The following PLA2G7 variants were observed in gnomAD, a reference collection of about 807,000 sequenced individuals.
The protein encoded by PLA2G7 is platelet-activating factor acetylhydrolase.
Under a neutral mutation model 49.6 loss-of-function variants are expected in PLA2G7, and 63 were observed. The ratio of observed to expected loss-of-function variants is 1.27; its 90% CI spans 1.04 to 1.57. The LOEUF (loss-of-function observed/expected upper bound fraction) is 1.57, where lower values mean the gene tolerates loss of function less well. Ranked by LOEUF, PLA2G7 falls within the 40% of genes most tolerant of loss-of-function variation. PLA2G7 has a pLI of 0.00. For missense variants in PLA2G7, 596 were observed against 521.2 expected, an observed-to-expected ratio of 1.14 and a Z score of -1.40; for synonymous variants, 193 against 169.9, an observed-to-expected ratio of 1.14 and a Z score of -1.06.
chr6:46,712,874 A>T (rs1037316728), intron 5 of PLA2G7, among the ~76,000 whole-genome samples: 1 of 152,230 alleles, frequency 6.6e-6, no homozygotes, highest in Non-Finnish European at 1.5e-5. Context: ...ACAGTATTGT[A>T]GTTACAAGAA....
chr6:46,712,244 A>G, intron 6 of PLA2G7, 25 bp downstream of exon 6: 1 of 1,510,222 alleles, frequency 6.6e-7, no homozygotes, highest in South Asian at 1.1e-5. Context: ...TTGGCCAAAG[A>G]GCCCAATTAT....
chr6:46,722,649 C>T, intron 2 of PLA2G7, 134 bp downstream of exon 2: 1 of 687,454 alleles, frequency 1.5e-6, no homozygotes, highest in Non-Finnish European at 2.7e-6. Context: ...CTCCCCTACT[C>T]CAGGAGAATA....
chr6:46,704,748 C>T, intron 11 of PLA2G7, 52 bp from the exon 12 acceptor site: 1 of 1,130,558 alleles, frequency 8.8e-7, no homozygotes, highest in Non-Finnish European at 1.3e-6. Flanking sequence ...GAGCATTAAA[C>T]AGTTTGGTGC....
intron 3 of PLA2G7, 68 bp from the exon 4 acceptor site, chr6:46,716,596 G>C: frequency 6.5e-7 from 1 of 1,540,150 alleles, no homozygotes; most frequent in South Asian, 1.1e-5. Context: ...CAGCTATTTT[G>C]CATATTTAAT....
At chr6:46,718,652 T>A (rs1454763910) in intron 2 of PLA2G7, among the ~76,000 whole-genome samples, 1 of 152,238 alleles carries the variant, frequency 6.6e-6, no homozygotes, top group East Asian at 1.9e-4. Context: ...CACACTTTAA[T>A]ACCTTGGTCA....
rs142301461 is a variant in PLA2G7 at position 46,705,226 on chromosome 6, C to T, written c.1116G>A (p.Lys372=). The T allele has an allele frequency of 5.6e-6, 9 of 1,608,970 alleles. No individual in the cohort carries two copies. The highest frequency in any genetic ancestry group is 1.1e-5 in the South Asian group (1 of 90,980). Residue 372 remains lysine (K), a synonymous_variant, in exon 11 of 12, where the codon AAG becomes AAA. Coordinates refer to ENST00000274793, the MANE Select transcript of PLA2G7 (RefSeq NM_005084.4). ...GKIIGHMLKL[K]GDIDSNVAID... The stretch of plus-strand genomic sequence containing the variant: ...TAGCTACATTTGAATCTATGTCTCC[C>T]TTTAATTTGAGCATGTGTCCAATTA...
chr6:46,714,745 T>C (rs1171945721), intron 4 of PLA2G7, among the ~76,000 whole-genome samples, 192 bp from the exon 5 acceptor site: 1 of 147,916 alleles, frequency 6.8e-6, no homozygotes, highest in Non-Finnish European at 1.5e-5. Flanking sequence ...AGTTTTTTTT[T>C]TTTTTTTGAG....
At chr6:46,713,689 G>T (rs1765106530) in intron 5 of PLA2G7, among the ~76,000 whole-genome samples, 1 of 152,202 alleles carries the variant, frequency 6.6e-6, no homozygotes, top group African/African-American at 2.4e-5. Flanking sequence ...TGACAGGTGA[G>T]AAAGTGGTGG....
Position 46,710,661 on chromosome 6 carries a change from A to G in PLA2G7, c.664-3T>C, listed in dbSNP as rs761492025. 11 of 1,586,198 alleles carry G rather than the reference A, an allele frequency of 6.9e-6. 1 individual carries two copies. The South Asian group carries it at 1.2e-4, about 18-fold the overall frequency. The stretch of plus-strand genomic sequence containing the variant: ...CATTCTTTTGCTCTTTGCCGTACCT[A>G]ATATAATTATTAGAAGAAGGAAATG... On this transcript the variant is annotated splice_region_variant and splice_polypyrimidine_tract_variant and intron_variant, in intron 7 of 11. Transcript: ENST00000274793.
chr6:46,707,146 C>T (rs1764855590), intron 10 of PLA2G7, among the ~76,000 whole-genome samples: 1 of 152,076 alleles, frequency 6.6e-6, no homozygotes, highest in African/African-American at 2.4e-5. Flanking sequence ...CGTCATGGTA[C>T]CCCATTATAG....
At chr6:46,711,654 T>C in intron 6 of PLA2G7, 35 bp from the exon 7 acceptor site, 2 of 1,609,196 alleles carry the variant, frequency 1.2e-6, no homozygotes, top group East Asian at 4.5e-5. Context: ...TTATGCATGC[T>C]CCTTCCCTTC....
chr6:46,729,807 G>A (rs565823346), intron 1 of PLA2G7, among the ~76,000 whole-genome samples: 5 of 152,192 alleles, frequency 3.3e-5, no homozygotes, highest in Non-Finnish European at 5.9e-5. Flanking sequence ...TAAATATTAC[G>A]TCTCCAGACA....
chr6:46,705,189 T>C lies in PLA2G7; in HGVS notation c.1153A>G (p.Asn385Asp), dbSNP rs371623990. 36 of 1,609,094 alleles carry C rather than the reference T, an allele frequency of 2.2e-5. No homozygotes were observed. The African/African-American group carries it at 3.5e-4, about 16-fold the overall frequency. ...IDSNVAIDLS[N>D]KASLAFLQKH... ...TGTAAGAATGCTAATGAAGCTTTGTTGCTAAGATCAATAGCTACATTTGAA... is the reference window on the plus strand; with the variant it reads ...TGTAAGAATGCTAATGAAGCTTTGTCGCTAAGATCAATAGCTACATTTGAA... Residue 385 changes from asparagine (N) to aspartate (D), a missense_variant, in exon 11 of 12, where the codon AAC becomes GAC. By Grantham distance (23) the Asn-to-Asp change is conservative. Coordinates refer to ENST00000274793, the MANE Select transcript of PLA2G7 (RefSeq NM_005084.4).
intron 1 of PLA2G7, among the ~76,000 whole-genome samples, chr6:46,726,535 G>A (rs1160373667): frequency 6.6e-6 from 1 of 152,084 alleles, no homozygotes; most frequent in Non-Finnish European, 1.5e-5. Flanking sequence ...CATTCTCTTA[G>A]AACTAGAGAA....
intron 1 of PLA2G7, among the ~76,000 whole-genome samples, chr6:46,725,160 G>A (rs1417714321): frequency 3.9e-5 from 6 of 152,182 alleles, no homozygotes; most frequent in African/African-American, 9.7e-5. Flanking sequence ...TGGGGCTTTC[G>A]TGTAAGGGCA....
chr6:46,711,787 G>A (rs1765032459), intron 6 of PLA2G7, among the ~76,000 whole-genome samples, 168 bp from the exon 7 acceptor site: 1 of 151,888 alleles, frequency 6.6e-6, no homozygotes, highest in Non-Finnish European at 1.5e-5. Context: ...AGAGTTCCAG[G>A]AAAAAAACCT....
intron 1 of PLA2G7, among the ~76,000 whole-genome samples, chr6:46,733,162 T>C (rs1765787323): frequency 6.6e-6 from 1 of 152,218 alleles, no homozygotes; most frequent in South Asian, 2.1e-4. Context: ...TAATGTTCTG[T>C]GCTGACAGAG....
At chr6:46,734,943 T>G (rs1197470653) in intron 1 of PLA2G7, among the ~76,000 whole-genome samples, 1 of 152,184 alleles carries the variant, frequency 6.6e-6, no homozygotes, top group Non-Finnish European at 1.5e-5. Context: ...GGTTGCTTCC[T>G]TTCGGGAAAA....
In PLA2G7 at chr6:46,721,072, G is replaced by A. The variant is rs190319469; in HGVS notation, c.109+1711C>T. ...TTTGTTTGTTTTGAGACAGAGTCTC[G>A]CTCTGTAGCCCAGGCTGGAGTGCAG... is the stretch of plus-strand genomic sequence containing the variant. On this transcript the variant is annotated intron_variant, in intron 2 of 11. Coordinates refer to ENST00000274793, the MANE Select transcript of PLA2G7 (RefSeq NM_005084.4). Among the ~76,000 whole-genome samples the A allele has an allele frequency of 1.3e-4, 20 of 152,040 alleles. No homozygotes were observed. The South Asian group carries it at 2.1e-3, about 16-fold the overall frequency.
Sources: gnomAD v4.1 joint callset for allele counts (sites outside exome capture counted in the v4.1 genomes callset) on GRCh38, gnomAD v4.1.1 for gene constraint, MANE v1.5 for transcripts, NCBI Gene and HGNC (gene_info 2026-07-23, HGNC 2026-07-21) for gene names.